SHANK2: variants seen among roughly 807,000 people sequenced by gnomAD.
SHANK2 encodes the protein SH3 and multiple ankyrin repeat domains protein 2.
In SHANK2, 43 loss-of-function variants were observed where a neutral mutation model predicts 133.7. The observed-to-expected ratio is 0.32, with a 90% CI of 0.25 to 0.41. The LOEUF (loss-of-function observed/expected upper bound fraction) is 0.41, where lower values mean the gene tolerates loss of function less well. Ranked by LOEUF, SHANK2 falls within the 10% of genes least tolerant of loss-of-function variation. The pLI, the probability that SHANK2 is intolerant of heterozygous loss-of-function variation, is 1.00. For missense variants in SHANK2, 1,994 were observed against 2,235.8 expected (o/e 0.89, Z 2.18); for synonymous variants, 1,017 against 952.8 (o/e 1.07, Z -1.24).
intron 11 of SHANK2, among the ~76,000 whole-genome samples, chr11:70,872,042 C>T (rs1434384086): frequency 1.3e-5 from 2 of 152,176 alleles, no homozygotes; most frequent in East Asian, 3.9e-4. Context: ...TGCACGCTGC[C>T]TGCTTCTGCA....
At chr11:70,658,748 C>T (rs925211234) in intron 17 of SHANK2, among the ~76,000 whole-genome samples, 3 of 152,162 alleles carry the variant, frequency 2.0e-5, no homozygotes, top group Non-Finnish European at 4.4e-5. Flanking sequence ...GAAATGATCA[C>T]GGGTAGCCCT....
intron 2 of SHANK2, among the ~76,000 whole-genome samples, chr11:71,148,254 T>C (rs1242714535): frequency 6.6e-6 from 1 of 152,212 alleles, no homozygotes; most frequent in African/African-American, 2.4e-5. Flanking sequence ...CCAGCTAATT[T>C]TGTATCTTTA....
intron 17 of SHANK2, among the ~76,000 whole-genome samples, chr11:70,597,651 T>A (rs1222104174): frequency 2.0e-5 from 3 of 152,116 alleles, no homozygotes; most frequent in Non-Finnish European, 4.4e-5. Flanking sequence ...GGTGGGTGGA[T>A]CACCTGAGGT....
At chr11:71,089,409 A>G (rs1042367507) in intron 8 of SHANK2, among the ~76,000 whole-genome samples, 3 of 152,128 alleles carry the variant, frequency 2.0e-5, no homozygotes, top group Admixed American at 1.3e-4. Context: ...AAGCATGTCC[A>G]CGCACATGTG....
chr11:71,112,821 G>GTGCATTCA (rs1565458269), intron 5 of SHANK2, among the ~76,000 whole-genome samples: 1 of 80,200 alleles, frequency 1.2e-5, no homozygotes, highest in Non-Finnish European at 3.2e-5. Flanking sequence ...TCAAGGCATA[G>GTGCATTCA]TGCATTCCGC....
intron 17 of SHANK2, among the ~76,000 whole-genome samples, chr11:70,563,393 G>A (rs567253175): frequency 6.6e-5 from 10 of 152,218 alleles, no homozygotes; most frequent in African/African-American, 1.7e-4. Flanking sequence ...TCACACCTAC[G>A]ATCTTTCCAT....
chr11:70,775,200 C>T (rs1331184698), intron 14 of SHANK2, among the ~76,000 whole-genome samples: 3 of 152,142 alleles, frequency 2.0e-5, no homozygotes, highest in Non-Finnish European at 4.4e-5. Context: ...GCTCAGGCCT[C>T]TAATCCCAGC....
intron 14 of SHANK2, among the ~76,000 whole-genome samples, chr11:70,750,779 G>A (rs1946736579): frequency 6.6e-6 from 1 of 152,188 alleles, no homozygotes; most frequent in Admixed American, 6.5e-5. Context: ...CTTGGCGAGT[G>A]TCTGTGCATA....
At chr11:70,654,961 G>T (rs1470827207) in intron 17 of SHANK2, among the ~76,000 whole-genome samples, 1 of 151,988 alleles carries the variant, frequency 6.6e-6, no homozygotes, top group Non-Finnish European at 1.5e-5. Flanking sequence ...TAGAGACGGG[G>T]TTTCATCATA....
chr11:70,678,749 G>A (rs1555017774), intron 15 of SHANK2, among the ~76,000 whole-genome samples: 1 of 151,696 alleles, frequency 6.6e-6, no homozygotes, highest in Non-Finnish European at 1.5e-5. Context: ...CACCATGTTG[G>A]CCAGGTTGGT....
intron 17 of SHANK2, among the ~76,000 whole-genome samples, chr11:70,606,172 C>T (rs1297088293): frequency 2.0e-5 from 3 of 152,108 alleles, no homozygotes; most frequent in Non-Finnish European, 4.4e-5. Flanking sequence ...ATCAGCCCAA[C>T]CCATGTCTGG....
chr11:71,066,145 GGGT>G (rs1220610894), intron 9 of SHANK2, among the ~76,000 whole-genome samples: 23 of 30,882 alleles, frequency 7.4e-4, no homozygotes, highest in Admixed American at 1.0e-3. Flanking sequence ...TGGGGAAGTT[GGGT>G]GGGGGGGGTG....
chr11:70,490,361 G>A lies in SHANK2; in HGVS notation c.2466C>T (p.Ala822=), dbSNP rs1389398992. ...MNSVYERQGI[A]VMTPTVPGSP... ...TCCCAGGAACAGTGGGCGTCATCAC[G>A]GCGATTCCTTGGCGTTCGTACACAG... Residue 822 remains alanine, a synonymous_variant, in exon 23 of 26, where the codon GCC becomes GCT. Coordinates refer to ENST00000601538, the MANE Select transcript of SHANK2 (RefSeq NM_012309.5). 7.4e-6 allele frequency: 12 copies of A among 1,614,198 alleles called. 1 individual carries two copies. The highest frequency in any genetic ancestry group is 4.4e-5 in the South Asian group (4 of 91,088).
chr11:70,609,264 T>G (rs1288313353), intron 17 of SHANK2, among the ~76,000 whole-genome samples: 3 of 152,130 alleles, frequency 2.0e-5, no homozygotes, highest in African/African-American at 7.2e-5. Flanking sequence ...TGACGGCAGA[T>G]GGTTTCAAAG....
chr11:70,894,386 T>C (rs782362014), intron 11 of SHANK2, among the ~76,000 whole-genome samples: 2 of 152,200 alleles, frequency 1.3e-5, no homozygotes, highest in East Asian at 3.9e-4. Context: ...CAGGGTTTCC[T>C]ATGTTGGCCA....
At chr11:70,565,638 G>A (rs2136150084) in intron 17 of SHANK2, among the ~76,000 whole-genome samples, 1 of 152,294 alleles carries the variant, frequency 6.6e-6, no homozygotes, top group Admixed American at 6.5e-5. Context: ...AGAAGCTGGG[G>A]CAAGTATAGG....
chr11:71,085,565 A>G lies in SHANK2; in HGVS notation c.912+6857T>C, dbSNP rs1417612295. Among the ~76,000 whole-genome samples, 6 of 81,138 alleles carry G rather than the reference A, an allele frequency of 7.4e-5. No homozygotes were observed. The South Asian group carries it at 2.2e-3, about 29-fold the overall frequency. The allele number at this position is 81,138 out of a possible 152,430, so 53.2% of individuals were successfully genotyped here. Reference sequence around the variant, plus strand: ...AAATATATAACATATTATATTATATAAAATATATATTATATAATATATTAT... The same window carrying G: ...AAATATATAACATATTATATTATATGAAATATATATTATATAATATATTAT... On this transcript the variant is annotated intron_variant, in intron 8 of 25. Coordinates refer to ENST00000601538, the MANE Select transcript of SHANK2 (RefSeq NM_012309.5).
intron 14 of SHANK2, among the ~76,000 whole-genome samples, chr11:70,710,521 C>A (rs1555025870): frequency 2.0e-5 from 3 of 152,228 alleles, no homozygotes; most frequent in East Asian, 1.9e-4. Flanking sequence ...CCTGGCATCA[C>A]CCCCACAGTA....
intron 10 of SHANK2, among the ~76,000 whole-genome samples, chr11:70,901,899 G>C (rs1202658220): frequency 6.6e-6 from 1 of 152,204 alleles, no homozygotes; most frequent in Non-Finnish European, 1.5e-5. Flanking sequence ...AGAAGGCATC[G>C]ACTGGTAAGT....
Sources: allele counts gnomAD v4.1 joint callset (sites outside exome capture counted in the v4.1 genomes callset), GRCh38; gene constraint gnomAD v4.1.1; transcripts MANE v1.5; gene names NCBI Gene and HGNC (gene_info 2026-07-23, HGNC 2026-07-21).